The following COL28A1 variants were observed in gnomAD, a reference collection of about 807,000 sequenced individuals.
The protein encoded by COL28A1 is collagen type XXVIII alpha 1 chain.
COL28A1 carries 161 observed loss-of-function variants against 150.2 expected under a neutral mutation model. The ratio of observed to expected loss-of-function variants is 1.07; its 90% CI spans 0.94 to 1.22. The LOEUF (loss-of-function observed/expected upper bound fraction) is 1.22. Among genes scored for constraint, COL28A1 ranks in the 50% most tolerant of loss-of-function variants. COL28A1 has a pLI of 0.00. For missense variants in COL28A1, 1,617 were observed against 1,388.3 expected, an observed-to-expected ratio of 1.16 and a Z score of -2.62; for synonymous variants, 552 against 469.7, an observed-to-expected ratio of 1.18 and a Z score of -2.26.
intron 33 of COL28A1, among the ~76,000 whole-genome samples, chr7:7,365,125 A>C (rs1367412634): frequency 7.5e-6 from 1 of 133,126 alleles, no homozygotes; most frequent in Non-Finnish European, 1.7e-5. Flanking sequence ...GCCTCTGGAG[A>C]GAGGAGGAAA....
chr7:7,353,868 A>G (rs1305864067), downstream of COL28A1, among the ~76,000 whole-genome samples: 1 of 152,174 alleles, frequency 6.6e-6, no homozygotes, highest in Admixed American at 6.5e-5. Flanking sequence ...ACAACAATAT[A>G]GTGACTGATA....
At chr7:7,543,726 GTATT>G in the COL28A1 span, among the ~76,000 whole-genome samples, 13 of 151,652 alleles carry the variant, frequency 8.6e-5, no homozygotes, top group Non-Finnish European at 1.9e-4. Context: ...TGAGTTTTGA[GTATT>G]TATTACTATT....
Position 7,380,698 on chromosome 7 carries a change from A to G in COL28A1, c.2287-3T>C, listed in dbSNP as rs114280533. ...TCTCCTTTGGGTCCTTGTAAACCCT[A>G]CTTAGTGGAAGAAGAGTAAAAGTCA... On this transcript the variant is annotated splice_polypyrimidine_tract_variant and splice_region_variant and intron_variant, in intron 29 of 34. Coordinates refer to ENST00000399429, the MANE Select transcript of COL28A1 (RefSeq NM_001037763.3). The G allele has an allele frequency of 1.5e-3, 2,377 of 1,613,558 alleles. 39 individuals carry two copies. In the African/African-American group the frequency reaches 0.028, roughly 19 times the overall value.
At chr7:7,356,003 G>C (rs937062791), downstream of COL28A1, among the ~76,000 whole-genome samples, 2 of 152,122 alleles carry the variant, frequency 1.3e-5, no homozygotes, top group African/African-American at 4.8e-5. Flanking sequence ...GGAAGTAAAT[G>C]AACATGTATG....
Position 7,412,806 on chromosome 7 carries a change from C to CT in COL28A1, c.2136+5052dup, listed in dbSNP as rs1169837519. Among the ~76,000 whole-genome samples, 3 of 152,104 alleles carry CT rather than the reference C, an allele frequency of 2.0e-5. 1 individual carries two copies. In the East Asian group the frequency reaches 5.8e-4, roughly 29 times the overall value. On this transcript the variant is annotated intron_variant, in intron 27 of 34. Transcript: ENST00000399429. ...TCCTAGACATTTTATACAATTTTTT[C>CT]TTTTTAACACTGTGTAAAATAAGCC...
At position 7,489,478 on chromosome 7, in the gene COL28A1, A is replaced by C. The variant is rs547299005; in HGVS notation, c.1096-21T>G. 20 of 1,038,750 alleles carry C rather than the reference A, an allele frequency of 1.9e-5. No individual in the cohort carries two copies. In the South Asian group the frequency reaches 2.5e-4, roughly 13 times the overall value. The allele number at this position is 1,038,750 out of a possible 1,614,324, so 64.3% of individuals were successfully genotyped here. A position where few individuals can be genotyped will look rare whatever the true frequency, so the allele number is the denominator to read the frequency against. On this transcript the variant is annotated intron_variant, in intron 12 of 34. Transcript: ENST00000399429. ...TCTCCCTAAGAGAAAGAAATAATAG[A>C]ATGAAAGCTTGAGATTTTAAATAAA...
At chr7:7,509,590 G>T (rs1168674361) in intron 9 of COL28A1, among the ~76,000 whole-genome samples, 3 of 151,790 alleles carry the variant, frequency 2.0e-5, no homozygotes, top group African/African-American at 4.8e-5. Context: ...TGACATTGGG[G>T]TATATTTTAC....
intron 11 of COL28A1, among the ~76,000 whole-genome samples, chr7:7,496,935 G>A (rs1287395958): frequency 6.6e-6 from 1 of 152,042 alleles, no homozygotes; most frequent in African/African-American, 2.4e-5. Flanking sequence ...GTTCAAGTAT[G>A]GCCAGGATAC....
chr7:7,505,311 A>G (rs1780749153), intron 11 of COL28A1, among the ~76,000 whole-genome samples: 1 of 152,102 alleles, frequency 6.6e-6, no homozygotes, highest in East Asian at 1.9e-4. Flanking sequence ...TCAAATCACT[A>G]AGTCGACACC....
chr7:7,342,696 A>G, the COL28A1 span, among the ~76,000 whole-genome samples: 1 of 152,064 alleles, frequency 6.6e-6, no homozygotes, highest in African/African-American at 2.4e-5. Context: ...GAACATTAGA[A>G]TATCTTACCT....
At chr7:7,489,527 C>A in intron 12 of COL28A1, 70 bp from the exon 13 acceptor site, 1 of 845,876 alleles carries the variant, frequency 1.2e-6, no homozygotes, top group African/African-American at 1.7e-5. Flanking sequence ...GCAAAGTTCT[C>A]TCAAGATTTC....
At chr7:7,374,038 A>AAAAAAAAAAAAAAATATATATATATAT in intron 31 of COL28A1, among the ~76,000 whole-genome samples, 5 of 113,626 alleles carry the variant, frequency 4.4e-5, no homozygotes, top group African/African-American at 1.9e-4. Flanking sequence ...AAAAAAAAAA[A>AAAAAAAAAAAAAAATATATATATATAT]ATATATATAT....
chr7:7,443,771 A>C lies in COL28A1; in HGVS notation c.1582-118T>G, dbSNP rs532668278. 84 of 1,377,432 alleles carry C rather than the reference A, an allele frequency of 6.1e-5. No individual in the cohort carries two copies. In the South Asian group the frequency reaches 1.2e-3, roughly 20 times the overall value. The allele number at this position is 1,377,432 out of a possible 1,614,324, so 85.3% of individuals were successfully genotyped here. ...CAGCTGAGACTCTCCAAAACACACCATACCTTCACTCTAGTCTCAAAATCA... is the reference window on the plus strand; with the variant it reads ...CAGCTGAGACTCTCCAAAACACACCCTACCTTCACTCTAGTCTCAAAATCA... On this transcript the variant is annotated intron_variant, in intron 19 of 34. Transcript: ENST00000399429.
chr7:7,419,382 G>C (rs1469195408), intron 26 of COL28A1, among the ~76,000 whole-genome samples: 1 of 152,118 alleles, frequency 6.6e-6, no homozygotes, highest in Non-Finnish European at 1.5e-5. Context: ...TGGATTAAAA[G>C]AATAAAAGGA....
At chr7:7,369,553 A>G (rs970092596) in intron 33 of COL28A1, among the ~76,000 whole-genome samples, 4 of 152,242 alleles carry the variant, frequency 2.6e-5, no homozygotes, top group Non-Finnish European at 5.9e-5. Flanking sequence ...TCTGCAATTT[A>G]GTAGAATCTA....
intron 23 of COL28A1, 29 bp downstream of exon 23, chr7:7,436,360 TACAGAA>T (rs1562640853): frequency 1.0e-6 from 1 of 977,396 alleles, no homozygotes; most frequent in Non-Finnish European, 1.7e-6. Context: ...TTATTTCAGA[TACAGAA>T]AAACAAAAAG....
chr7:7,420,137 T>C, intron 25 of COL28A1, 184 bp from the exon 26 acceptor site: 1 of 383,052 alleles, frequency 2.6e-6, no homozygotes, highest in Non-Finnish European at 4.6e-6. Context: ...CAGGTCCATT[T>C]CAAATTAATC....
chr7:7,418,130 A>G (rs1784206907), intron 26 of COL28A1, among the ~76,000 whole-genome samples: 1 of 152,248 alleles, frequency 6.6e-6, no homozygotes, highest in Non-Finnish European at 1.5e-5. Context: ...AACCTTAAAT[A>G]TAATCCAAAT....
At chr7:7,539,248 A>G (rs542555362), upstream of COL28A1, among the ~76,000 whole-genome samples, 1 of 152,336 alleles carries the variant, frequency 6.6e-6, no homozygotes, top group South Asian at 2.1e-4. Flanking sequence ...TGACACCAGC[A>G]TCTGCTTCTG....
Sources: allele counts gnomAD v4.1 joint callset (sites outside exome capture counted in the v4.1 genomes callset), GRCh38; gene constraint gnomAD v4.1.1; transcripts MANE v1.5; gene names NCBI Gene and HGNC (gene_info 2026-07-23, HGNC 2026-07-21).